Variants in NRXN3 observed in about 807,000 individuals in gnomAD.
NRXN3 encodes the protein neurexin III.
NRXN3 carries 32 observed loss-of-function variants against 137.6 expected under a neutral mutation model. The ratio of observed to expected loss-of-function variants is 0.23; its 90% confidence interval spans 0.18 to 0.31. The LOEUF (loss-of-function observed/expected upper bound fraction) is 0.31. Ranked by LOEUF, NRXN3 falls within the 10% of genes least tolerant of loss-of-function variation. The pLI is 1.00. For synonymous variants in NRXN3, 798 were observed against 784.5 expected (o/e 1.02, Z -0.29); for missense variants, 1,574 against 2,062.5 (o/e 0.76, Z 4.59).
rs1300745257 is a variant in NRXN3, at chr14:78,243,472, G to A, written c.379G>A (p.Gly127Ser). ...CCTGCGCACGGTGCTGATGCTTGATGGCGAGGGCCAGTCTGGGGAGCTGCA... is the reference window on the plus strand; with the variant it reads ...CCTGCGCACGGTGCTGATGCTTGATAGCGAGGGCCAGTCTGGGGAGCTGCA... ...DRLRTVLMLD[G>S]EGQSGELQPQ... Residue 127 changes from glycine to serine, a missense_variant, in exon 2 of 21, where the codon GGC (glycine) becomes AGC (serine). By Grantham distance (56) the Gly-to-Ser change is moderately conservative (BLOSUM62 0). Around this residue, in one of 5 missense-constraint regions of NRXN3, gnomAD observed 400 missense variants for 527.3 expected, o/e 0.76. Transcript: ENST00000335750. The surrounding 1 kb of genome is among the most constrained non-coding windows in gnomAD (Gnocchi z 4.2). The A allele has an allele frequency of 5.0e-6, 8 of 1,584,822 alleles. No individual in the cohort carries two copies. Among genetic ancestry groups the A allele is most frequent in the Middle Eastern group, 1.6e-4 (1 of 6,064 alleles).
chr14:78,642,508 T>C (rs2097646016), intron 4 of NRXN3, among the ~76,000 whole-genome samples: 1 of 152,242 alleles, frequency 6.6e-6, no homozygotes, highest in Admixed American at 6.5e-5. Context: ...CTTTCCTTGC[T>C]CATTTTTCTC....
chr14:79,791,448 T>C (rs1295840349), intron 19 of NRXN3, among the ~76,000 whole-genome samples: 2 of 146,380 alleles, frequency 1.4e-5, no homozygotes, highest in African/African-American at 4.9e-5. Flanking sequence ...TTTTATTTTA[T>C]AATAAATAAT....
At chr14:79,227,786 C>CTTCA (rs1568684633) in intron 15 of NRXN3, among the ~76,000 whole-genome samples, 1 of 84,108 alleles carries the variant, frequency 1.2e-5, no homozygotes, top group Non-Finnish European at 2.5e-5. Context: ...TCCTTCCTTC[C>CTTCA]CTCCTCCCTT....
intron 19 of NRXN3, among the ~76,000 whole-genome samples, chr14:79,762,746 A>G (rs918444032): frequency 2.0e-5 from 3 of 151,690 alleles, no homozygotes; most frequent in African/African-American, 4.9e-5. Context: ...AAAAAACCCA[A>G]TAAGTTGTAG....
At chr14:79,550,052 C>T (rs140459968) in intron 16 of NRXN3, among the ~76,000 whole-genome samples, 5,039 of 152,080 alleles carry the variant, frequency 0.033, 121 homozygotes, top group Middle Eastern at 0.1. Flanking sequence ...TCACTGCAAC[C>T]TCCTCCTCCC....
At chr14:78,956,240 G>A (rs2099396585) in intron 10 of NRXN3, among the ~76,000 whole-genome samples, 1 of 152,002 alleles carries the variant, frequency 6.6e-6, no homozygotes, top group Admixed American at 6.6e-5. Context: ...GAGCAAACTT[G>A]GTCTGTCTTC....
intron 15 of NRXN3, among the ~76,000 whole-genome samples, chr14:79,100,773 T>C (rs1244277615): frequency 6.6e-6 from 1 of 152,156 alleles, no homozygotes; most frequent in African/African-American, 2.4e-5. Context: ...CACCCTCAAA[T>C]GGGGACATGA....
intron 4 of NRXN3, among the ~76,000 whole-genome samples, chr14:78,420,008 A>G (rs2093369670): frequency 6.6e-6 from 1 of 150,518 alleles, no homozygotes; most frequent in South Asian, 2.1e-4. Context: ...ACTACCAGTG[A>G]TAATAATACA....
At chr14:78,280,809 A>C (rs1016685458) in intron 3 of NRXN3, among the ~76,000 whole-genome samples, 2 of 152,166 alleles carry the variant, frequency 1.3e-5, no homozygotes, top group East Asian at 3.9e-4. Flanking sequence ...AGTCTGAGGA[A>C]TACCCTTCCT....
At chr14:79,624,803 GTTTGTT>G (rs1567699321) in intron 16 of NRXN3, among the ~76,000 whole-genome samples, 1 of 90,094 alleles carries the variant, frequency 1.1e-5, no homozygotes, top group Non-Finnish European at 2.3e-5. Flanking sequence ...TTTTTTTTTT[GTTTGTT>G]TTTGTTTTTT....
chr14:78,391,393 G>A (rs893906729), intron 4 of NRXN3, among the ~76,000 whole-genome samples: 1 of 152,104 alleles, frequency 6.6e-6, no homozygotes, highest in Non-Finnish European at 1.5e-5. Context: ...GTGTGGCTAT[G>A]TGCTCATGGG....
At position 78,256,179 on chromosome 14, in the gene NRXN3, G is replaced by A. The variant is rs115219013; in HGVS notation, c.709+12377G>A. 4.4e-3 allele frequency among the ~76,000 whole-genome samples: 673 copies of A among 152,256 alleles called. 6 individuals carry two copies. Among genetic ancestry groups the A allele is most frequent in the African/African-American group, 0.015 (619 of 41,544 alleles). On this transcript the variant is annotated intron_variant, in intron 2 of 20. Coordinates refer to ENST00000335750, the MANE Select transcript of NRXN3 (RefSeq NM_001330195.2). ...CAATGCAGTGGAATGGCTGTTTGAG[G>A]CAGGCACGTTGTTGTCACTGGAGAT...
chr14:78,263,370 A>G (rs1249788733), intron 2 of NRXN3, among the ~76,000 whole-genome samples: 1 of 152,110 alleles, frequency 6.6e-6, no homozygotes, highest in East Asian at 1.9e-4. Context: ...GAGACCATAT[A>G]ATTTATTTTT....
In NRXN3 at chr14:79,697,781, C is replaced by A. The variant is rs372453004; in HGVS notation, c.3858C>A (p.Ile1286=). Residue 1286 remains isoleucine (I), a synonymous_variant, in exon 19 of 21, where the codon ATC becomes ATA. Coordinates refer to ENST00000335750, the MANE Select transcript of NRXN3 (RefSeq NM_001330195.2). ...MAAENNPNIK[I]NGSVRLVGEV... is the part of the protein sequence containing the mutation. ...CTGAGAACAACCCCAATATTAAAAT[C>A]AATGGAAGTGTTCGGCTGGTTGGAG... The A allele has an allele frequency of 2.9e-5, 46 of 1,613,016 alleles. No individual in the cohort carries two copies. The highest frequency in any genetic ancestry group is 3.3e-4 in the Middle Eastern group (2 of 6,074).
At chr14:78,705,136 G>A (rs2098332984) in intron 6 of NRXN3, among the ~76,000 whole-genome samples, 1 of 152,156 alleles carries the variant, frequency 6.6e-6, no homozygotes, top group Non-Finnish European at 1.5e-5. Flanking sequence ...CTTCCCCCAT[G>A]GGGAGCCGTT....
At chr14:78,566,801 G>C (rs1041255194) in intron 4 of NRXN3, among the ~76,000 whole-genome samples, 2 of 152,154 alleles carry the variant, frequency 1.3e-5, no homozygotes, top group African/African-American at 2.4e-5. Context: ...GCTCTACCAG[G>C]GACCAGCTTA....
intron 15 of NRXN3, among the ~76,000 whole-genome samples, chr14:79,181,723 T>C (rs2062950824): frequency 6.6e-6 from 1 of 151,592 alleles, no homozygotes; most frequent in South Asian, 2.1e-4. Flanking sequence ...CATGAAAACT[T>C]ATTTTTTTAT....
intron 1 of NRXN3, among the ~76,000 whole-genome samples, chr14:78,242,154 T>C (rs1417123443): frequency 6.6e-6 from 1 of 152,094 alleles, no homozygotes; most frequent in Non-Finnish European, 1.5e-5. Context: ...GCTTTGGGGA[T>C]TTTTATTATT....
chr14:79,612,722 A>G (rs1020080202), intron 16 of NRXN3, among the ~76,000 whole-genome samples: 1 of 152,114 alleles, frequency 6.6e-6, no homozygotes, highest in Non-Finnish European at 1.5e-5. Flanking sequence ...GTGGTGGCAC[A>G]TGCCTGTAGT....
Sources: allele counts gnomAD v4.1 joint callset (sites outside exome capture counted in the v4.1 genomes callset), GRCh38; gene constraint gnomAD v4.1.1; regional missense constraint gnomAD v4.1.1; non-coding constraint Gnocchi (gnomAD v3.1); transcripts MANE v1.5; gene names NCBI Gene and HGNC (gene_info 2026-07-23, HGNC 2026-07-21).